GALNT13: variants seen among roughly 807,000 people sequenced by gnomAD.
The protein encoded by GALNT13 is UDP-GalNAc:polypeptide N-acetylgalactosaminyltransferase 13.
GALNT13 carries 28 observed loss-of-function variants against 64.2 expected under a neutral mutation model. That is an observed-to-expected ratio of 0.44 (90% confidence interval 0.32 to 0.60). The LOEUF is 0.60. Ranked by LOEUF, GALNT13 falls within the 20% of genes least tolerant of loss-of-function variation. The pLI, the probability that GALNT13 is intolerant of heterozygous loss-of-function variation, is 0.05. For missense variants in GALNT13, 577 were observed against 669.8 expected (o/e 0.86, Z 1.53); for synonymous variants, 214 against 224.6 (o/e 0.95, Z 0.42).
chr2:154,329,420 T>C (rs1695050534), intron 9 of GALNT13, among the ~76,000 whole-genome samples: 1 of 152,210 alleles, frequency 6.6e-6, no homozygotes, highest in Non-Finnish European at 1.5e-5. Context: ...TTATTCTTTA[T>C]GATGTTGTTG....
At chr2:153,734,759 C>T in the GALNT13 span, among the ~76,000 whole-genome samples, 1 of 152,140 alleles carries the variant, frequency 6.6e-6, no homozygotes, top group Non-Finnish European at 1.5e-5. Context: ...CTTTTGAAGT[C>T]AGAAATTATA....
the GALNT13 span, among the ~76,000 whole-genome samples, chr2:153,851,035 T>A: frequency 6.6e-6 from 1 of 152,178 alleles, no homozygotes; most frequent in African/African-American, 2.4e-5. Flanking sequence ...TTGACCAAAT[T>A]TGATGAAAAT....
At chr2:154,161,958 T>C (rs912090181) in intron 4 of GALNT13, among the ~76,000 whole-genome samples, 5 of 152,078 alleles carry the variant, frequency 3.3e-5, no homozygotes, top group Non-Finnish European at 7.4e-5. Context: ...TTTTTTTGTA[T>C]TTTTAGTAGA....
At chr2:153,864,244 A>C in the GALNT13 span, among the ~76,000 whole-genome samples, 1 of 152,130 alleles carries the variant, frequency 6.6e-6, no homozygotes, top group Admixed American at 6.6e-5. Flanking sequence ...GTGGGCTGAA[A>C]ATTAGTTGTT....
At chr2:154,426,794 A>G (rs1265195913) in intron 11 of GALNT13, among the ~76,000 whole-genome samples, 2 of 152,174 alleles carry the variant, frequency 1.3e-5, no homozygotes, top group Admixed American at 1.3e-4. Flanking sequence ...ACATTTTGTT[A>G]TTATATTACT....
At chr2:154,149,065 A>G (rs1455508673) in intron 4 of GALNT13, among the ~76,000 whole-genome samples, 2 of 152,152 alleles carry the variant, frequency 1.3e-5, no homozygotes, top group Admixed American at 6.6e-5. Context: ...TTTTAGGTCT[A>G]AAGTTTAAGT....
At chr2:153,255,454 A>G in the GALNT13 span, among the ~76,000 whole-genome samples, 1 of 146,476 alleles carries the variant, frequency 6.8e-6, no homozygotes, top group Non-Finnish European at 1.5e-5. Context: ...TAATTGGAGC[A>G]TTTAGTCCAT....
At chr2:153,728,682 T>C in the GALNT13 span, among the ~76,000 whole-genome samples, 4 of 152,056 alleles carry the variant, frequency 2.6e-5, no homozygotes, top group Non-Finnish European at 5.9e-5. Context: ...CGAAAAACCC[T>C]TCAAAAAATC....
intron 11 of GALNT13, among the ~76,000 whole-genome samples, chr2:154,430,787 C>T (rs1700675755): frequency 6.6e-6 from 1 of 152,180 alleles, no homozygotes; most frequent in Non-Finnish European, 1.5e-5. Flanking sequence ...ATCCACCTAA[C>T]TTTCATCAGT....
the GALNT13 span, among the ~76,000 whole-genome samples, chr2:153,393,824 C>T: frequency 0.02 from 3,086 of 152,008 alleles, 85 homozygotes; most frequent in African/African-American, 0.07. Flanking sequence ...ACTCAAGATG[C>T]GACATAGGCT....
At chr2:153,513,351 A>C in the GALNT13 span, among the ~76,000 whole-genome samples, 1 of 152,340 alleles carries the variant, frequency 6.6e-6, no homozygotes, top group East Asian at 1.9e-4. Context: ...ATTTTCCACA[A>C]GTCCTATTTG....
At chr2:154,135,750 C>T (rs1465198077) in intron 3 of GALNT13, among the ~76,000 whole-genome samples, 1 of 152,028 alleles carries the variant, frequency 6.6e-6, no homozygotes, top group Admixed American at 6.6e-5. Context: ...ATCCCTTGAG[C>T]CCAGAAGTTC....
At chr2:153,714,022 G>A in the GALNT13 span, among the ~76,000 whole-genome samples, 2 of 152,162 alleles carry the variant, frequency 1.3e-5, no homozygotes, top group Admixed American at 1.3e-4. Flanking sequence ...CTTAGGGAAA[G>A]TTCCCAGGGG....
the GALNT13 span, among the ~76,000 whole-genome samples, chr2:153,142,180 A>G: frequency 6.6e-6 from 1 of 152,188 alleles, no homozygotes. Flanking sequence ...TGCTTAATTC[A>G]TTGTGAGAGA....
At chr2:153,269,685 G>T in the GALNT13 span, among the ~76,000 whole-genome samples, 1 of 151,610 alleles carries the variant, frequency 6.6e-6, no homozygotes, top group African/African-American at 2.4e-5. Flanking sequence ...CTGCTATTAA[G>T]ATACTACCTG....
the GALNT13 span, among the ~76,000 whole-genome samples, chr2:153,860,491 T>C: frequency 2.0e-5 from 3 of 152,138 alleles, no homozygotes; most frequent in East Asian, 3.9e-4. Context: ...CTATCCTCTT[T>C]TACTATTTAG....
chr2:153,880,394 G>C (rs919636175), intron 1 of GALNT13, among the ~76,000 whole-genome samples: 17 of 151,880 alleles, frequency 1.1e-4, no homozygotes, highest in Non-Finnish European at 2.4e-4. Context: ...TTTTATTTTA[G>C]ACCGATGTTT....
At chr2:153,434,241 T>A in the GALNT13 span, among the ~76,000 whole-genome samples, 1 of 152,336 alleles carries the variant, frequency 6.6e-6, no homozygotes, top group East Asian at 1.9e-4. Flanking sequence ...GTTGGACATT[T>A]GGGTTGGTTC....
At chr2:153,952,122 G>A (rs559151750) in intron 3 of GALNT13, among the ~76,000 whole-genome samples, 42 of 152,260 alleles carry the variant, frequency 2.8e-4, no homozygotes, top group African/African-American at 9.6e-4. Context: ...TAAATGGTAT[G>A]GAATACTAAG....
Sources: gnomAD v4.1 joint callset for allele counts (sites outside exome capture counted in the v4.1 genomes callset) on GRCh38, gnomAD v4.1.1 for gene constraint, MANE v1.5 for transcripts, NCBI Gene and HGNC (gene_info 2026-07-23, HGNC 2026-07-21) for gene names.